TCF7L2: variants seen among roughly 807,000 people sequenced by gnomAD.
The protein encoded by TCF7L2 is transcription factor 7 like 2, also known as transcription factor 7-like 2.
A neutral mutation model predicts 77.9 loss-of-function variants in TCF7L2; 23 were observed. That is an observed-to-expected ratio of 0.30 (90% CI 0.21 to 0.42). TCF7L2 has a LOEUF of 0.42. TCF7L2 is among the 10% of genes least tolerant of loss of function. The pLI is 1.00. For missense variants in TCF7L2, 654 were observed against 793.1 expected (o/e 0.82, Z 2.11); for synonymous variants, 413 against 340.2 (o/e 1.21, Z -2.36).
intron 12 of TCF7L2, 78 bp downstream of exon 12, chr10:113,158,147 G>A (rs182939796): frequency 6.7e-7 from 1 of 1,484,428 alleles, no homozygotes; most frequent in Non-Finnish European, 9.2e-7. Flanking sequence ...CCATCTGGGG[G>A]AGGCAGGAGA....
intron 4 of TCF7L2, among the ~76,000 whole-genome samples, chr10:113,003,785 G>C (rs1336528895): frequency 1.3e-5 from 2 of 152,324 alleles, no homozygotes; most frequent in African/African-American, 4.8e-5. Flanking sequence ...GTCAGGATCT[G>C]AGCCCTGTTC....
intron 4 of TCF7L2, among the ~76,000 whole-genome samples, chr10:112,980,505 C>T (rs1238173505): frequency 6.6e-6 from 1 of 152,138 alleles, no homozygotes; most frequent in Non-Finnish European, 1.5e-5. Flanking sequence ...CAGGAGTGTT[C>T]CGGGAGTCAC....
intron 13 of TCF7L2, chr10:113,160,819 C>G (rs1263241016): frequency 4.7e-6 from 4 of 848,438 alleles, no homozygotes; most frequent in Non-Finnish European, 7.1e-6. Context: ...TAATGATCCT[C>G]ATTCTTCAAA....
intron 3 of TCF7L2, among the ~76,000 whole-genome samples, chr10:112,961,907 G>A (rs1245993713): frequency 1.3e-5 from 2 of 151,346 alleles, no homozygotes; most frequent in African/African-American, 4.9e-5. Flanking sequence ...GTGTGTGTGT[G>A]TGTGAGAGAG....
chr10:113,130,385 G>A (rs892349717), intron 5 of TCF7L2, among the ~76,000 whole-genome samples: 3 of 152,224 alleles, frequency 2.0e-5, no homozygotes, highest in African/African-American at 7.2e-5. Flanking sequence ...AGAAAAGAGA[G>A]AAGGAAAAAT....
intron 5 of TCF7L2, among the ~76,000 whole-genome samples, chr10:113,071,141 G>A (rs368383575): frequency 5.3e-5 from 8 of 152,156 alleles, no homozygotes; most frequent in African/African-American, 1.9e-4. Flanking sequence ...GGAACTCACT[G>A]TTCTCTTGCT....
chr10:113,125,495 G>A (rs982500227), intron 5 of TCF7L2: 5 of 151,462 alleles, frequency 3.3e-5, no homozygotes, highest in Non-Finnish European at 5.9e-5. Flanking sequence ...TTTTCCCCCC[G>A]AATTGTTTAA....
chr10:113,067,205 T>G (rs2057372573), intron 5 of TCF7L2, among the ~76,000 whole-genome samples: 1 of 152,208 alleles, frequency 6.6e-6, no homozygotes, highest in African/African-American at 2.4e-5. Flanking sequence ...TTGAGGACCT[T>G]GAACTAAATC....
intron 13 of TCF7L2, among the ~76,000 whole-genome samples, chr10:113,163,490 C>T (rs910192148): frequency 2.0e-5 from 3 of 152,136 alleles, no homozygotes; most frequent in Non-Finnish European, 2.9e-5. Context: ...TTTGCTTATG[C>T]CCTCCCCCTC....
chr10:112,966,184 T>TTATATTTATATATATA lies in TCF7L2; in HGVS notation c.450+1565_450+1566insTTATATATATATATAT, dbSNP rs1554876897. Among the ~76,000 whole-genome samples, 46 of 114,230 alleles carry TTATATTTATATATATA rather than the reference T, an allele frequency of 4.0e-4. 3 individuals carry two copies. Among genetic ancestry groups the TTATATTTATATATATA allele is most frequent in the African/African-American group, 2.1e-3 (45 of 21,016 alleles). 74.9% of individuals were successfully genotyped at this position (114,230 alleles called of 152,430 possible). On this transcript the variant is annotated intron_variant, in intron 4 of 13. Transcript: ENST00000627217. The stretch of plus-strand genomic sequence containing the variant: ...GAGTGAGACTCTGTCTAAAATATAT[T>TTATATTTATATATATA]TATATATATATATATATATATATAT...
intron 5 of TCF7L2, among the ~76,000 whole-genome samples, chr10:113,112,566 G>T (rs141651014): frequency 6.6e-6 from 1 of 152,340 alleles, no homozygotes; most frequent in Non-Finnish European, 1.5e-5. Context: ...GTTGTAAAGG[G>T]CACAGCAATT....
At chr10:113,130,232 T>C (rs1428146408) in intron 5 of TCF7L2, among the ~76,000 whole-genome samples, 2 of 152,140 alleles carry the variant, frequency 1.3e-5, no homozygotes, top group African/African-American at 4.8e-5. Context: ...AAGTCTCACT[T>C]TCATCACAGT....
Position 113,036,662 on chromosome 10 carries a change from G to A in TCF7L2, c.451-3363G>A, listed in dbSNP as rs542076292. On this transcript the variant is annotated intron_variant, in intron 4 of 13. Coordinates refer to ENST00000627217, the MANE Select transcript of TCF7L2 (RefSeq NM_001146274.2). Reference sequence around the variant, plus strand: ...AAGGATGAAATGCTTAAGCCAAGATGGCCTTCTTTCTTTCTTTCTTTCTTT... The same window carrying A: ...AAGGATGAAATGCTTAAGCCAAGATAGCCTTCTTTCTTTCTTTCTTTCTTT... 5.7e-5 allele frequency among the ~76,000 whole-genome samples: 7 copies of A among 123,844 alleles called. No individual in the cohort carries two copies. In the South Asian group the frequency reaches 1.9e-3, roughly 34 times the overall value. The allele number at this position is 123,844 out of a possible 152,430, so 81.2% of individuals were successfully genotyped here. A position where few individuals can be genotyped will look rare whatever the true frequency, so the allele number is the denominator to read the frequency against.
chr10:113,131,874 G>GA (rs1321333095), intron 5 of TCF7L2: 3 of 152,140 alleles, frequency 2.0e-5, no homozygotes, highest in Admixed American at 6.5e-5. Context: ...GAGGATTTTT[G>GA]AAAAAATTCA....
chr10:112,995,375 C>T (rs1013923648), intron 4 of TCF7L2, among the ~76,000 whole-genome samples: 1 of 152,124 alleles, frequency 6.6e-6, no homozygotes, highest in African/African-American at 2.4e-5. Flanking sequence ...GGCTGGAGTT[C>T]GTTGCTTGGT....
rs916013618 is a variant in TCF7L2, at chr10:113,048,700, A to C, written c.552+8574A>C. On this transcript the variant is annotated intron_variant, in intron 5 of 13. Transcript: ENST00000627217. ...AATTGCCACAGCAGCATTTATGTGG[A>C]ACGTGGTTGCACAAAAGCTCCAGAA... Among the ~76,000 whole-genome samples, 7 of 152,312 alleles carry C rather than the reference A, an allele frequency of 4.6e-5. No individual in the cohort carries two copies. The East Asian group carries it at 1.4e-3, about 29-fold the overall frequency.
At chr10:113,061,630 T>C (rs909293934) in intron 5 of TCF7L2, among the ~76,000 whole-genome samples, 12 of 152,324 alleles carry the variant, frequency 7.9e-5, no homozygotes, top group Non-Finnish European at 8.8e-5. Flanking sequence ...GGGAGGGCCG[T>C]GTCACCTAGG....
chr10:112,956,096 C>T (rs548225563), intron 3 of TCF7L2, among the ~76,000 whole-genome samples: 1 of 152,104 alleles, frequency 6.6e-6, no homozygotes, highest in South Asian at 2.1e-4. Flanking sequence ...CAACAGGCCC[C>T]CCTGAATCAC....
intron 5 of TCF7L2, among the ~76,000 whole-genome samples, chr10:113,064,149 C>T (rs2056921745): frequency 6.6e-6 from 1 of 152,120 alleles, no homozygotes; most frequent in African/African-American, 2.4e-5. Flanking sequence ...GGATATGTAA[C>T]AGGCTTCCAA....
Sources: allele counts gnomAD v4.1 joint callset (sites outside exome capture counted in the v4.1 genomes callset), GRCh38; gene constraint gnomAD v4.1.1; transcripts MANE v1.5; gene names NCBI Gene and HGNC (gene_info 2026-07-23, HGNC 2026-07-21).